The following VWC2L variants were observed in gnomAD, a reference collection of about 807,000 sequenced individuals.
VWC2L encodes the protein von Willebrand factor C domain-containing protein 2-like.
A neutral mutation model predicts 21.6 loss-of-function variants in VWC2L; 10 were observed. The ratio of observed to expected loss-of-function variants is 0.46; its 90% CI spans 0.29 to 0.78. The LOEUF is 0.78. Ranked by LOEUF, VWC2L falls within the 30% of genes least tolerant of loss-of-function variation. The pLI is 0.10. For synonymous variants in VWC2L, 96 were observed against 94.3 expected, an observed-to-expected ratio of 1.02 and a Z score of -0.10; for missense variants, 209 against 277.1, an observed-to-expected ratio of 0.75 and a Z score of 1.74.
chr2:214,434,471 T>G (rs983961877), intron 2 of VWC2L, among the ~76,000 whole-genome samples: 2 of 152,184 alleles, frequency 1.3e-5, no homozygotes, highest in African/African-American at 4.8e-5. Context: ...CTTCTCTTTC[T>G]TAGCAGGAGC....
chr2:214,562,062 T>C (rs1689983765), intron 3 of VWC2L, among the ~76,000 whole-genome samples: 1 of 152,120 alleles, frequency 6.6e-6, no homozygotes, highest in East Asian at 1.9e-4. Flanking sequence ...GGTAAACATA[T>C]GCCATAATGA....
In VWC2L at chr2:214,558,818, T is replaced by G. The variant is rs540016861; in HGVS notation, c.521-16854T>G. Among the ~76,000 whole-genome samples the G allele has an allele frequency of 8.2e-4, 125 of 152,178 alleles. 2 individuals are homozygous for G. The highest frequency in any genetic ancestry group is 4.1e-4 in the South Asian group (2 of 4,826). On this transcript the variant is annotated intron_variant, in intron 3 of 3. Coordinates refer to ENST00000312504, the MANE Select transcript of VWC2L (RefSeq NM_001080500.4). Reference sequence around the variant, plus strand: ...CAAGTACCAACTATAGTTTTGTTTTTTTTTTTTAAATTTATGCTTTAAAAT... The same window carrying G: ...CAAGTACCAACTATAGTTTTGTTTTGTTTTTTTAAATTTATGCTTTAAAAT...
intron 3 of VWC2L, among the ~76,000 whole-genome samples, chr2:214,564,311 G>T (rs964236556): frequency 2.6e-5 from 4 of 152,016 alleles, no homozygotes; most frequent in Non-Finnish European, 5.9e-5. Flanking sequence ...AGAATTAGAA[G>T]AAACTATTTT....
intron 3 of VWC2L, among the ~76,000 whole-genome samples, chr2:214,443,368 T>A (rs1271347618): frequency 6.6e-6 from 1 of 151,446 alleles, no homozygotes; most frequent in East Asian, 1.9e-4. Flanking sequence ...CAAGACTCCA[T>A]CTCAAAAACA....
rs542007404 is a variant in VWC2L, at chr2:214,426,319, G to A, written c.391-10310G>A. 3.9e-5 allele frequency among the ~76,000 whole-genome samples: 6 copies of A among 152,196 alleles called. No homozygotes were observed. The South Asian group carries it at 1.2e-3, about 32-fold the overall frequency. On this transcript the variant is annotated intron_variant, in intron 2 of 3. Transcript: ENST00000312504. ...AAGGCAAAGCTTATTCAGAGAAATG[G>A]TGTCAAGCCGAGTGACAAGATCAAA...
chr2:214,494,223 CT>C (rs747731221), intron 3 of VWC2L, among the ~76,000 whole-genome samples: 4 of 152,112 alleles, frequency 2.6e-5, no homozygotes, highest in Non-Finnish European at 5.9e-5. Flanking sequence ...GGTTTTCTTT[CT>C]TGCTACAATG....
intron 3 of VWC2L, among the ~76,000 whole-genome samples, chr2:214,465,682 A>C (rs1703204806): frequency 6.6e-6 from 1 of 152,148 alleles, no homozygotes; most frequent in Non-Finnish European, 1.5e-5. Flanking sequence ...GCTCAGCACC[A>C]GCACTTGCCC....
At chr2:214,548,771 GT>G (rs568795575) in intron 3 of VWC2L, among the ~76,000 whole-genome samples, 27 of 152,282 alleles carry the variant, frequency 1.8e-4, no homozygotes, top group African/African-American at 6.5e-4. Context: ...AGCAGCATTT[GT>G]AGTCAATACA....
intron 3 of VWC2L, among the ~76,000 whole-genome samples, chr2:214,454,884 G>C (rs796377894): frequency 5.3e-5 from 8 of 152,172 alleles, no homozygotes; most frequent in African/African-American, 1.9e-4. Context: ...TTACAGGCTT[G>C]AGCCACCGTA....
At chr2:214,427,755 T>C (rs1158987314) in intron 2 of VWC2L, among the ~76,000 whole-genome samples, 2 of 152,210 alleles carry the variant, frequency 1.3e-5, no homozygotes, top group Non-Finnish European at 2.9e-5. Flanking sequence ...ATATAGCCTA[T>C]GCACATTCTC....
chr2:214,455,334 A>C (rs996928192), intron 3 of VWC2L, among the ~76,000 whole-genome samples: 5 of 152,198 alleles, frequency 3.3e-5, no homozygotes, highest in Non-Finnish European at 7.4e-5. Flanking sequence ...TGCTGGATTT[A>C]TGGTCATAAA....
At chr2:214,561,956 G>A (rs1689982012) in intron 3 of VWC2L, among the ~76,000 whole-genome samples, 1 of 151,520 alleles carries the variant, frequency 6.6e-6, no homozygotes, top group Admixed American at 6.6e-5. Context: ...TATGTTCAAA[G>A]CACACTAAGT....
chr2:214,438,642 A>G (rs1702717075), intron 3 of VWC2L, among the ~76,000 whole-genome samples: 1 of 152,106 alleles, frequency 6.6e-6, no homozygotes, highest in Non-Finnish European at 1.5e-5. Flanking sequence ...AAAGCCCATA[A>G]TATACCCAGA....
intron 3 of VWC2L, among the ~76,000 whole-genome samples, chr2:214,520,138 G>A (rs1689212316): frequency 6.7e-6 from 1 of 150,022 alleles, no homozygotes; most frequent in African/African-American, 2.4e-5. Context: ...CAAAATTTGA[G>A]GGAAAAAAAT....
At chr2:214,452,811 T>A (rs533733675) in intron 3 of VWC2L, among the ~76,000 whole-genome samples, 1 of 152,316 alleles carries the variant, frequency 6.6e-6, no homozygotes, top group East Asian at 1.9e-4. Context: ...CATCGTGGTG[T>A]TAAGTTGCAT....
At chr2:214,453,453 C>A (rs993406137) in intron 3 of VWC2L, among the ~76,000 whole-genome samples, 1 of 152,070 alleles carries the variant, frequency 6.6e-6, no homozygotes, top group Non-Finnish European at 1.5e-5. Context: ...GTTCTAGGTT[C>A]TTTGATTTTC....
intron 3 of VWC2L, among the ~76,000 whole-genome samples, chr2:214,463,874 T>C: frequency 6.6e-6 from 1 of 152,120 alleles, no homozygotes; most frequent in East Asian, 1.9e-4. Flanking sequence ...CTGTATGTAT[T>C]TTCAAATATC....
intron 2 of VWC2L, among the ~76,000 whole-genome samples, chr2:214,435,760 C>G (rs1220992351): frequency 6.6e-6 from 1 of 152,072 alleles, no homozygotes; most frequent in African/African-American, 2.4e-5. Context: ...AACTGCTGTT[C>G]CATGAGAAAA....
At chr2:214,445,492 G>C (rs781475469) in intron 3 of VWC2L, among the ~76,000 whole-genome samples, 12 of 151,468 alleles carry the variant, frequency 7.9e-5, no homozygotes, top group Non-Finnish European at 1.8e-4. Flanking sequence ...AACTATACAT[G>C]TATGTACATA....
Sources: allele counts gnomAD v4.1 joint callset (sites outside exome capture counted in the v4.1 genomes callset), GRCh38; gene constraint gnomAD v4.1.1; transcripts MANE v1.5; gene names NCBI Gene and HGNC (gene_info 2026-07-23, HGNC 2026-07-21).